Variants in B3GAT2 observed in about 807,000 individuals in gnomAD.
B3GAT2 encodes beta-1,3-glucuronyltransferase 2.
In B3GAT2, 26 loss-of-function variants were observed where a neutral mutation model predicts 27.8. The ratio of observed to expected loss-of-function variants is 0.93; its 90% confidence interval spans 0.68 to 1.30. The LOEUF (loss-of-function observed/expected upper bound fraction) is 1.30. Among genes scored for constraint, B3GAT2 ranks in the 50% most tolerant of loss-of-function variants. The pLI is 0.00. For missense variants in B3GAT2, 458 were observed against 459.0 expected (o/e 1.00, Z 0.02); for synonymous variants, 218 against 195.1 (o/e 1.12, Z -0.98).
At chr6:70,881,590 C>G (rs1772099559) in intron 2 of B3GAT2, among the ~76,000 whole-genome samples, 2 of 152,136 alleles carry the variant, frequency 1.3e-5, no homozygotes. Flanking sequence ...CACCAGTGGG[C>G]TGTGATAGAG....
In B3GAT2 at chr6:70,895,969, T is replaced by C. The variant is rs111242569; in HGVS notation, c.592-1697A>G. 1.8e-3 allele frequency among the ~76,000 whole-genome samples: 271 copies of C among 152,264 alleles called. 2 individuals carry two copies. Among genetic ancestry groups the C allele is most frequent in the African/African-American group, 6.3e-3 (262 of 41,536 alleles). On this transcript the variant is annotated intron_variant, in intron 1 of 3. Coordinates refer to ENST00000230053, the MANE Select transcript of B3GAT2 (RefSeq NM_080742.3). ...CTTGGCTAGTGTCCGGGAACACAGCTTTTGAAACATTTCCTACCCTTATAA... is the reference window on the plus strand; with the variant it reads ...CTTGGCTAGTGTCCGGGAACACAGCCTTTGAAACATTTCCTACCCTTATAA...
rs774969557 is a variant in B3GAT2, at chr6:70,858,127, G to A, written c.*3536C>T. On this transcript the variant is annotated 3_prime_UTR_variant, in exon 4 of 4. Coordinates refer to ENST00000230053, the MANE Select transcript of B3GAT2 (RefSeq NM_080742.3). Reference sequence around the variant, plus strand: ...AAACTGGTGTGATGCCACTTCCTCAGAACGTTGTTGGCCCCCAAGGAGGAA... The same window carrying A: ...AAACTGGTGTGATGCCACTTCCTCAAAACGTTGTTGGCCCCCAAGGAGGAA... The A allele has an allele frequency of 3.7e-6, 6 of 1,613,918 alleles. No individual in the cohort carries two copies.
intron 1 of B3GAT2, among the ~76,000 whole-genome samples, chr6:70,949,840 G>T (rs1430783070): frequency 1.3e-5 from 2 of 151,544 alleles, no homozygotes; most frequent in South Asian, 2.1e-4. Context: ...TTAAGAAAAT[G>T]TGGCATATAT....
intron 1 of B3GAT2, among the ~76,000 whole-genome samples, chr6:70,936,198 G>A (rs1449407528): frequency 1.3e-5 from 2 of 152,062 alleles, no homozygotes; most frequent in African/African-American, 4.8e-5. Context: ...AACAAGAAGA[G>A]CTAACTATCC....
At chr6:70,917,647 G>A (rs374287445) in intron 1 of B3GAT2, among the ~76,000 whole-genome samples, 2 of 152,034 alleles carry the variant, frequency 1.3e-5, no homozygotes, top group Non-Finnish European at 2.9e-5. Flanking sequence ...CCTTCATTTC[G>A]TTATTTACCC....
intron 1 of B3GAT2, among the ~76,000 whole-genome samples, chr6:70,936,273 A>G (rs1408819485): frequency 6.6e-6 from 1 of 151,998 alleles, no homozygotes; most frequent in African/African-American, 2.4e-5. Flanking sequence ...GTGACCTACA[A>G]AGAGACTTAG....
At chr6:70,872,245 A>G (rs944231691) in intron 2 of B3GAT2, among the ~76,000 whole-genome samples, 1 of 151,732 alleles carries the variant, frequency 6.6e-6, no homozygotes, top group Non-Finnish European at 1.5e-5. Context: ...CTTCTATCCC[A>G]GTTGATCTAT....
chr6:70,918,592 G>A (rs1054952899), intron 1 of B3GAT2, among the ~76,000 whole-genome samples: 1 of 152,098 alleles, frequency 6.6e-6, no homozygotes, highest in Non-Finnish European at 1.5e-5. Flanking sequence ...CAGGCCTGGT[G>A]GTGACAAAAT....
intron 1 of B3GAT2, among the ~76,000 whole-genome samples, chr6:70,941,004 G>A (rs1203547191): frequency 1.3e-5 from 2 of 152,142 alleles, no homozygotes; most frequent in Admixed American, 6.5e-5. Flanking sequence ...ATGTCCTTTA[G>A]ATGCTTTTAG....
chr6:70,929,389 C>T (rs186986224), intron 1 of B3GAT2, among the ~76,000 whole-genome samples: 23 of 152,062 alleles, frequency 1.5e-4, no homozygotes, highest in African/African-American at 3.6e-4. Flanking sequence ...TATTCAATCA[C>T]GAAAACAGGA....
Position 70,955,769 on chromosome 6 carries a change from G to A in B3GAT2, c.591+70C>T, listed in dbSNP as rs532126324. The A allele has an allele frequency of 2.0e-5, 30 of 1,467,470 alleles. No homozygotes were observed. In the East Asian group the frequency reaches 7.7e-4, roughly 38 times the overall value. The allele number at this position is 1,467,470 out of a possible 1,614,324, so 90.9% of individuals were successfully genotyped here. A position where few individuals can be genotyped will look rare whatever the true frequency, so the allele number is the denominator to read the frequency against. On this transcript the variant is annotated intron_variant, in intron 1 of 3. Transcript: ENST00000230053. ...TGCACCCGGAGTGCAAGGGGCGTGT[G>A]ACTGCAGCCCGGCCGGCCCGGAGGC...
intron 2 of B3GAT2, among the ~76,000 whole-genome samples, chr6:70,862,988 G>T (rs1489826147): frequency 6.6e-6 from 1 of 152,078 alleles, no homozygotes; most frequent in East Asian, 1.9e-4. Flanking sequence ...AAAGAAAAAA[G>T]AATCATTCGT....
chr6:70,949,293 C>T (rs1380898679), intron 1 of B3GAT2, among the ~76,000 whole-genome samples: 21 of 151,992 alleles, frequency 1.4e-4, no homozygotes, highest in African/African-American at 2.2e-4. Context: ...AGAATATTTT[C>T]GCAACCTACT....
intron 1 of B3GAT2, among the ~76,000 whole-genome samples, chr6:70,912,793 T>C (rs1004609208): frequency 8.5e-5 from 13 of 152,160 alleles, no homozygotes; most frequent in African/African-American, 3.1e-4. Context: ...TGTGGATCCA[T>C]CTGGTCCAGG....
chr6:70,885,323 A>G (rs1394765387), intron 2 of B3GAT2, among the ~76,000 whole-genome samples: 1 of 152,198 alleles, frequency 6.6e-6, no homozygotes, highest in Non-Finnish European at 1.5e-5. Context: ...AATGCCTTGC[A>G]AATCTCAATG....
chr6:70,926,524 C>T lies in B3GAT2; in HGVS notation c.591+29315G>A, dbSNP rs182251415. 3.9e-4 allele frequency among the ~76,000 whole-genome samples: 59 copies of T among 152,042 alleles called. No individual in the cohort carries two copies. The East Asian group carries it at 9.3e-3, about 24-fold the overall frequency. ...AAACCATGGCATGAGAAATACGTGACGAATGCACAAGCTTCAGTAGCTGAC... is the reference window on the plus strand; with the variant it reads ...AAACCATGGCATGAGAAATACGTGATGAATGCACAAGCTTCAGTAGCTGAC... On this transcript the variant is annotated intron_variant, in intron 1 of 3. Transcript: ENST00000230053.
intron 1 of B3GAT2, among the ~76,000 whole-genome samples, chr6:70,955,040 C>G (rs1199422966): frequency 1.3e-5 from 2 of 152,088 alleles, no homozygotes; most frequent in Non-Finnish European, 2.9e-5. Context: ...CAAATGTGTC[C>G]TGGCTAACTC....
intron 2 of B3GAT2, among the ~76,000 whole-genome samples, chr6:70,867,587 A>G (rs1212439984): frequency 6.6e-6 from 1 of 152,138 alleles, no homozygotes; most frequent in Admixed American, 6.6e-5. Context: ...AAAGTCCTTG[A>G]AAGACAAGCT....
intron 1 of B3GAT2, among the ~76,000 whole-genome samples, chr6:70,916,668 C>T (rs1008095845): frequency 6.6e-5 from 10 of 152,122 alleles, no homozygotes; most frequent in Admixed American, 3.9e-4. Context: ...TGGTTTTTGT[C>T]GTTGGTTCTG....
Sources: gnomAD v4.1 joint callset for allele counts (sites outside exome capture counted in the v4.1 genomes callset) on GRCh38, gnomAD v4.1.1 for gene constraint, MANE v1.5 for transcripts, NCBI Gene and HGNC (gene_info 2026-07-23, HGNC 2026-07-21) for gene names.